The following OPRM1 variants were observed in gnomAD, a reference collection of about 807,000 sequenced individuals.
OPRM1 encodes opioid receptor mu 1.
OPRM1 carries 27 observed loss-of-function variants against 31.8 expected under a neutral mutation model. The ratio of observed to expected loss-of-function variants is 0.85; its 90% CI spans 0.63 to 1.17. OPRM1 has a LOEUF of 1.17. OPRM1 is among the 50% of genes most tolerant of loss of function. The pLI is 0.00. For synonymous variants in OPRM1, 196 were observed against 189.9 expected (o/e 1.03, Z -0.26); for missense variants, 536 against 511.1 (o/e 1.05, Z -0.47).
intron 1 of OPRM1, among the ~76,000 whole-genome samples, chr6:154,025,072 T>G (rs961857081): frequency 6.6e-6 from 1 of 152,132 alleles, no homozygotes; most frequent in African/African-American, 2.4e-5. Context: ...GAAGTCTCTT[T>G]GTTGATTTTC....
chr6:154,069,319 A>G (rs1786139584), intron 1 of OPRM1, among the ~76,000 whole-genome samples: 1 of 151,974 alleles, frequency 6.6e-6, no homozygotes, highest in African/African-American at 2.4e-5. Context: ...GCTTACTGCA[A>G]CCTCCACCTC....
intron 3 of OPRM1, among the ~76,000 whole-genome samples, chr6:154,101,955 T>C (rs1033057220): frequency 3.3e-5 from 5 of 152,212 alleles, no homozygotes; most frequent in Non-Finnish European, 4.4e-5. Flanking sequence ...TTTTATTTTT[T>C]TGGAGACAGG....
rs1797407223 is a variant in OPRM1, at chr6:154,123,379, T to C, written c.*4658T>C. Among the ~76,000 whole-genome samples the C allele has an allele frequency of 6.6e-6, 1 of 152,212 alleles. No individual in the cohort carries two copies. The highest frequency in any genetic ancestry group is 2.1e-4 in the South Asian group (1 of 4,834). ...GGCTTCTATGCTGGGCCTTACTTTC[T>C]AACAGTGCAGCAGTTATAGTCTGAG... On this transcript the variant is annotated 3_prime_UTR_variant, in exon 4 of 4. Coordinates refer to ENST00000330432, the MANE Select transcript of OPRM1 (RefSeq NM_000914.5).
At chr6:154,042,824 C>A (rs916921308) in intron 1 of OPRM1, among the ~76,000 whole-genome samples, 2 of 151,938 alleles carry the variant, frequency 1.3e-5, no homozygotes, top group African/African-American at 4.8e-5. Context: ...TGGAGAATAA[C>A]CTTATGAAAA....
At chr6:154,090,628 T>C (rs1791883453) in intron 2 of OPRM1, among the ~76,000 whole-genome samples, 1 of 152,214 alleles carries the variant, frequency 6.6e-6, no homozygotes, top group South Asian at 2.1e-4. Context: ...CTAGAGACTT[T>C]GGACAATTAT....
At chr6:154,049,455 A>G (rs527436907) in intron 1 of OPRM1, among the ~76,000 whole-genome samples, 21 of 152,186 alleles carry the variant, frequency 1.4e-4, no homozygotes, top group Non-Finnish European at 2.4e-4. Flanking sequence ...TGCTCTATAC[A>G]TGTCCACACA....
chr6:154,115,919 C>T (rs926587149), intron 3 of OPRM1, among the ~76,000 whole-genome samples: 4 of 152,214 alleles, frequency 2.6e-5, no homozygotes, highest in Non-Finnish European at 5.9e-5. Context: ...TCTTTGGGAG[C>T]TCCTGTTTAG....
rs116249265 is a variant in OPRM1 at position 154,011,481 on chromosome 6, A to G, written c.-1+463A>G. On this transcript the variant is annotated intron_variant, in intron 1 of 5. Transcript: ENST00000434900. ...AAGTGGTATTTTTTAGTGTAAACAT[A>G]AACTGCTTTAAGAATGCATAATTAT... 1.0e-3 allele frequency among the ~76,000 whole-genome samples: 157 copies of G among 152,328 alleles called. 1 individual carries two copies. The highest frequency in any genetic ancestry group is 3.5e-3 in the African/African-American group (146 of 41,574).
At chr6:154,231,425 A>G (rs1779708028) in intron 3 of OPRM1, among the ~76,000 whole-genome samples, 1 of 152,236 alleles carries the variant, frequency 6.6e-6, no homozygotes, top group Non-Finnish European at 1.5e-5. Context: ...CTTGGAGAAT[A>G]TGTGGAATGA....
intron 3 of OPRM1, among the ~76,000 whole-genome samples, chr6:154,144,299 T>A (rs1451717345): frequency 6.6e-6 from 1 of 152,218 alleles, no homozygotes; most frequent in Non-Finnish European, 1.5e-5. Flanking sequence ...AAGAGAACAC[T>A]TCCCAATTTA....
intron 3 of OPRM1, among the ~76,000 whole-genome samples, chr6:154,152,296 G>GAAGAAAGAAAGA (rs1165338713): frequency 2.5e-4 from 24 of 96,594 alleles, no homozygotes; most frequent in African/African-American, 8.9e-4. Flanking sequence ...AAGGAAGAGA[G>GAAGAAAGAAAGA]AAGAAAGAAA....
chr6:154,212,728 T>C (rs748719701), intron 3 of OPRM1: 3 of 1,296,946 alleles, frequency 2.3e-6, no homozygotes, highest in Admixed American at 3.4e-5. Context: ...GACATCCACA[T>C]GTCTGATCGA....
intron 1 of OPRM1, among the ~76,000 whole-genome samples, chr6:154,044,314 A>C (rs1432620016): frequency 6.6e-6 from 1 of 152,186 alleles, no homozygotes; most frequent in African/African-American, 2.4e-5. Flanking sequence ...TACATAGTAA[A>C]TGTTTTTGTA....
At chr6:154,051,176 C>G (rs781442209) in intron 1 of OPRM1, among the ~76,000 whole-genome samples, 10 of 152,074 alleles carry the variant, frequency 6.6e-5, no homozygotes, top group Non-Finnish European at 1.0e-4. Context: ...GCTATAAAAT[C>G]ACAACAATTA....
intron 3 of OPRM1, among the ~76,000 whole-genome samples, chr6:154,204,763 T>A (rs993941125): frequency 6.6e-6 from 1 of 152,156 alleles, no homozygotes; most frequent in African/African-American, 2.4e-5. Flanking sequence ...AGATAGAGTA[T>A]TTCTAACACA....
At chr6:154,196,409 C>T (rs781605727) in intron 3 of OPRM1, among the ~76,000 whole-genome samples, 1 of 152,032 alleles carries the variant, frequency 6.6e-6, no homozygotes, top group Non-Finnish European at 1.5e-5. Flanking sequence ...TCTTCTTTAA[C>T]AATGTTTTAT....
At chr6:154,202,026 T>C (rs1302341167) in intron 3 of OPRM1, among the ~76,000 whole-genome samples, 2 of 152,248 alleles carry the variant, frequency 1.3e-5, no homozygotes, top group Non-Finnish European at 2.9e-5. Flanking sequence ...ACAGTTGACC[T>C]TCTTCCAAAT....
In OPRM1 at chr6:154,221,175, A is replaced by T. The variant is rs991659494; in HGVS notation, c.1165-25518A>T. On this transcript the variant is annotated intron_variant, in intron 3 of 3. Coordinates refer to the OPRM1 transcript ENST00000337049. ...AGAAATAAAATAATAATTGATATGG[A>T]CATATGATTAGAATTCCAGTACCAG... 78 of 949,758 alleles carry T rather than the reference A, an allele frequency of 8.2e-5. No individual in the cohort carries two copies. In the African/African-American group the frequency reaches 1.1e-3, roughly 13 times the overall value. 58.8% of individuals were successfully genotyped at this position (949,758 alleles called of 1,614,324 possible).
chr6:154,166,288 C>T (rs559647128), intron 3 of OPRM1, among the ~76,000 whole-genome samples: 1 of 152,318 alleles, frequency 6.6e-6, no homozygotes, highest in South Asian at 2.1e-4. Context: ...GTTGGCCCCC[C>T]AGTGGCCAGG....
Sources: gnomAD v4.1 joint callset for allele counts (sites outside exome capture counted in the v4.1 genomes callset) on GRCh38, gnomAD v4.1.1 for gene constraint, MANE v1.5 for transcripts, NCBI Gene and HGNC (gene_info 2026-07-23, HGNC 2026-07-21) for gene names.